CDH23: variants seen among roughly 807,000 people sequenced by gnomAD.
CDH23 encodes cadherin related 23.
Under a neutral mutation model 317.1 loss-of-function variants are expected in CDH23, and 189 were observed. The observed-to-expected ratio is 0.60, with a 90% CI of 0.53 to 0.67. CDH23 has a LOEUF of 0.67. Among genes scored for constraint, CDH23 ranks in the 30% least tolerant of loss-of-function variants. CDH23 has a pLI of 0.00. For missense variants in CDH23, 4,401 were observed against 4,592.4 expected (o/e 0.96, Z 1.20); for synonymous variants, 1,839 against 1,876.8 (o/e 0.98, Z 0.52).
At chr10:71,441,420 TA>T (rs1185119135) in intron 2 of CDH23, among the ~76,000 whole-genome samples, 1 of 152,112 alleles carries the variant, frequency 6.6e-6, no homozygotes, top group Non-Finnish European at 1.5e-5. Flanking sequence ...CTTCATCCGT[TA>T]AAAAGAAATA....
At chr10:71,668,898 G>A (rs147974645) in intron 14 of CDH23, among the ~76,000 whole-genome samples, 2 of 152,234 alleles carry the variant, frequency 1.3e-5, no homozygotes, top group East Asian at 1.9e-4. Context: ...CACTTCTGCC[G>A]GCATTGTCCA....
intron 38 of CDH23, among the ~76,000 whole-genome samples, chr10:71,771,353 G>C (rs1418220038): frequency 6.6e-6 from 1 of 152,188 alleles, no homozygotes; most frequent in African/African-American, 2.4e-5. Flanking sequence ...CCAACCCCAA[G>C]AGCTGGAGAA....
At chr10:71,473,828 C>G (rs988362201) in intron 3 of CDH23, among the ~76,000 whole-genome samples, 4 of 152,116 alleles carry the variant, frequency 2.6e-5, no homozygotes, top group Non-Finnish European at 5.9e-5. Context: ...CCACAGCTGG[C>G]CCCTGTGAGC....
intron 6 of CDH23, among the ~76,000 whole-genome samples, chr10:71,515,607 A>AT (rs1208377144): frequency 6.6e-6 from 1 of 152,094 alleles, no homozygotes; most frequent in Non-Finnish European, 1.5e-5. Context: ...TGACTTGGGC[A>AT]TGCAGGATAG....
intron 38 of CDH23, among the ~76,000 whole-genome samples, chr10:71,759,818 TATACAC>T (rs1375303897): frequency 2.0e-5 from 1 of 50,788 alleles, no homozygotes; most frequent in Non-Finnish European, 4.3e-5. Flanking sequence ...TTTCAGAAAA[TATACAC>T]ACACACACAC....
chr10:71,475,430 G>A (rs956587271), intron 3 of CDH23, among the ~76,000 whole-genome samples: 3 of 152,182 alleles, frequency 2.0e-5, no homozygotes, highest in East Asian at 1.9e-4. Flanking sequence ...CTTGGCTCCC[G>A]AGAGGGGAGG....
intron 60 of CDH23, 44 bp downstream of exon 60, chr10:71,808,051 CA>C (rs749672226): frequency 6.4e-7 from 1 of 1,554,582 alleles, no homozygotes; most frequent in African/African-American, 1.4e-5. Flanking sequence ...CATGACCTCT[CA>C]GTCACTGCAT....
intron 19 of CDH23, among the ~76,000 whole-genome samples, chr10:71,690,194 G>A (rs1865132762): frequency 6.6e-6 from 1 of 152,152 alleles, no homozygotes; most frequent in Non-Finnish European, 1.5e-5. Flanking sequence ...CAGGGAGACA[G>A]GAAGACATCA....
intron 48 of CDH23, among the ~76,000 whole-genome samples, chr10:71,794,238 G>A (rs1297884072): frequency 6.6e-6 from 1 of 152,198 alleles, no homozygotes; most frequent in Non-Finnish European, 1.5e-5. Flanking sequence ...CCTGACCTCA[G>A]GTGATCCACC....
At position 71,705,140 on chromosome 10, in the gene CDH23, C is replaced by T. The variant is rs781572688; in HGVS notation, c.2953+10C>T. The T allele has an allele frequency of 1.9e-6, 3 of 1,604,850 alleles. No individual in the cohort carries two copies. The highest frequency in any genetic ancestry group is 2.2e-5 in the East Asian group (1 of 44,684). On this transcript the variant is annotated intron_variant, in intron 25 of 69. Coordinates refer to ENST00000224721, the MANE Select transcript of CDH23 (RefSeq NM_022124.6). ...ACGCTCACCATCCATGGTGAGGGGG[C>T]GCAGGGGCTTCTGCTGTGTGCTCAG...
intron 20 of CDH23, among the ~76,000 whole-genome samples, chr10:71,692,869 C>T (rs1865237408): frequency 6.6e-6 from 1 of 152,208 alleles, no homozygotes; most frequent in Non-Finnish European, 1.5e-5. Context: ...AGAATGCTCA[C>T]GGTCCATTGG....
intron 61 of CDH23, 41 bp from the exon 62 acceptor site, chr10:71,810,431 T>C (rs562776662): frequency 3.8e-6 from 6 of 1,572,106 alleles, no homozygotes; most frequent in East Asian, 4.5e-5. Flanking sequence ...TGTGGCCCCC[T>C]GCTGTGGTGG....
intron 26 of CDH23, chr10:71,707,367 C>T (rs1865831308): frequency 7.3e-7 from 1 of 1,372,202 alleles, no homozygotes; most frequent in East Asian, 2.6e-5. Flanking sequence ...CCCTGAGCCC[C>T]ACTCCCCGCC....
At chr10:71,452,154 G>A (rs1233840460) in intron 3 of CDH23, among the ~76,000 whole-genome samples, 2 of 152,190 alleles carry the variant, frequency 1.3e-5, no homozygotes, top group Admixed American at 1.3e-4. Flanking sequence ...GGGACCTTGG[G>A]GCCCTGAGCC....
In CDH23 at chr10:71,447,720, G is replaced by C. The variant is rs542104581; in HGVS notation, c.145+1325G>C. 2.6e-5 allele frequency among the ~76,000 whole-genome samples: 4 copies of C among 152,302 alleles called. No individual in the cohort carries two copies. The South Asian group carries it at 8.3e-4, about 32-fold the overall frequency. On this transcript the variant is annotated intron_variant, in intron 3 of 69. Transcript: ENST00000224721. ...CTCTCATAGGCAGAGCCCCTTTCTG[G>C]GGGTAGAGAGCATACCCACGTCCCT...
intron 9 of CDH23, among the ~76,000 whole-genome samples, chr10:71,588,790 G>A (rs916329456): frequency 1.1e-4 from 17 of 152,230 alleles, no homozygotes; most frequent in Non-Finnish European, 1.8e-4. Context: ...CCCTCTGGGT[G>A]TTCCCTGCAC....
Position 71,419,883 on chromosome 10 carries a change from C to A in CDH23, c.-5-19944C>A, listed in dbSNP as rs72642222. Among the ~76,000 whole-genome samples, 1,516 of 152,164 alleles carry A rather than the reference C, an allele frequency of 1.0e-2. 50 individuals carry two copies. Among genetic ancestry groups the A allele is most frequent in the East Asian group, 0.078 (401 of 5,160 alleles). On this transcript the variant is annotated intron_variant, in intron 1 of 69. Transcript: ENST00000224721. Reference sequence around the variant, plus strand: ...GGGGAGAGTGGGCCAAGAAGGGGAGCAGGTGATGTCACCAGGGGTTTCACT... The same window carrying A: ...GGGGAGAGTGGGCCAAGAAGGGGAGAAGGTGATGTCACCAGGGGTTTCACT...
At chr10:71,812,322 G>GTGGGAGCA in intron 66 of CDH23, 158 bp from the exon 67 acceptor site, 1 of 1,598,822 alleles carries the variant, frequency 6.3e-7, no homozygotes, top group Non-Finnish European at 8.5e-7. Flanking sequence ...GGATCCTATG[G>GTGGGAGCA]TGGGAGCATG....
chr10:71,811,816 C>T (rs1841938810), intron 65 of CDH23, 63 bp downstream of exon 65: 1 of 1,474,780 alleles, frequency 6.8e-7, no homozygotes, highest in African/African-American at 2.3e-5. Context: ...CTGGAGTGCC[C>T]ACCGGAGCCA....
Sources: gnomAD v4.1 joint callset for allele counts (sites outside exome capture counted in the v4.1 genomes callset) on GRCh38, gnomAD v4.1.1 for gene constraint, MANE v1.5 for transcripts, NCBI Gene and HGNC (gene_info 2026-07-23, HGNC 2026-07-21) for gene names.